MCF2L: variants seen among roughly 807,000 people sequenced by gnomAD.
MCF2L encodes guanine nucleotide exchange factor DBS.
MCF2L carries 97 observed loss-of-function variants against 153.4 expected under a neutral mutation model. The ratio of observed to expected loss-of-function variants is 0.63; its 90% CI spans 0.54 to 0.75. The LOEUF (loss-of-function observed/expected upper bound fraction) is 0.75. Among genes scored for constraint, MCF2L ranks in the 30% least tolerant of loss-of-function variants. MCF2L has a pLI of 0.00. For missense variants in MCF2L, 1,347 were observed against 1,495.2 expected, an observed-to-expected ratio of 0.90 and a Z score of 1.64; for synonymous variants, 659 against 632.2, an observed-to-expected ratio of 1.04 and a Z score of -0.64.
Position 113,045,388 on chromosome 13 carries a change from G to C in MCF2L, c.369+27G>C. On this transcript the variant is annotated intron_variant, in intron 4 of 29. Transcript: ENST00000535094. This position sits in a 1 kb window ranked among gnomAD's most constrained non-coding sequence, Gnocchi z 4.2. ...TAAGTGCCACCCGGGGCTCTGCCCT[G>C]CGCCCGGCCCCTCCCTGGGCTGCAT... The C allele has an allele frequency of 6.3e-7, 1 of 1,591,138 alleles. No homozygotes were observed. Among genetic ancestry groups the C allele is most frequent in the Non-Finnish European group, 8.6e-7 (1 of 1,159,686 alleles).
At chr13:113,095,359 T>A in intron 27 of MCF2L, 1 of 1,145,544 alleles carries the variant, frequency 8.7e-7, no homozygotes, top group Non-Finnish European at 1.1e-6. Context: ...CTCTGGCCTC[T>A]CCCACAGAGA....
At position 113,074,537 on chromosome 13, in the gene MCF2L, C is replaced by G. The variant is rs200960110; in HGVS notation, c.1090C>G (p.Leu364Val). 51 of 1,614,024 alleles carry G rather than the reference C, an allele frequency of 3.2e-5. No individual in the cohort carries two copies. The East Asian group carries it at 1.1e-3, about 35-fold the overall frequency. ...GCATGTGGAGCACCTGCTGAGGGAC[C>G]TGGCCAGCTTCGAGGAGAAATCAGG... ...LAHVEHLLRD[L>V]ASFEEKSGVA... Residue 364 changes from leucine (L) to valine (V), a missense_variant, in exon 10 of 30, where the codon CTG becomes GTG. Around this residue, in one of 3 missense-constraint regions of MCF2L, gnomAD observed 820 missense variants for 921.2 expected, o/e 0.89. Transcript: ENST00000535094. This position sits in a 1 kb window ranked among gnomAD's most constrained non-coding sequence, Gnocchi z 4.2.
rs113819130 is a variant in MCF2L, at chr13:113,001,979, C to T, written c.80-12784C>T. 7.3e-4 allele frequency: 1,153 copies of T among 1,583,316 alleles called. 9 individuals carry two copies. The African/African-American group carries it at 0.013, about 18-fold the overall frequency. On this transcript the variant is annotated intron_variant, in intron 1 of 29. Coordinates refer to ENST00000535094, the MANE Select transcript of MCF2L (RefSeq NM_001112732.3). ...CGCTGTGGCTGCTGCTGAAGGCCGG[C>T]GCAGGTGCGTGGGGCGCGGGCGGGT... is the stretch of plus-strand genomic sequence containing the variant.
intron 27 of MCF2L, chr13:113,095,347 G>T: frequency 8.6e-7 from 1 of 1,157,402 alleles, no homozygotes; most frequent in Non-Finnish European, 1.1e-6. Flanking sequence ...AGCCCTCGGG[G>T]CCTCTGGCCT....
intron 1 of MCF2L, among the ~76,000 whole-genome samples, chr13:112,988,995 A>G (rs74360332): frequency 1.8e-4 from 20 of 110,900 alleles, no homozygotes; most frequent in South Asian, 1.0e-3. Context: ...GAACTACCAC[A>G]CCCGAGTCCT....
chr13:112,928,571 C>T (rs2081430994), intron 2 of MCF2L, among the ~76,000 whole-genome samples: 1 of 152,126 alleles, frequency 6.6e-6, no homozygotes, highest in Non-Finnish European at 1.5e-5. Flanking sequence ...CCCTTCACCC[C>T]CAAAAAAGTC....
chr13:113,047,879 T>TGCGCTGACG (rs1279790793), intron 4 of MCF2L, among the ~76,000 whole-genome samples: 45 of 152,016 alleles, frequency 3.0e-4, no homozygotes, highest in Admixed American at 1.1e-3. Flanking sequence ...CCCCAGAGCC[T>TGCGCTGACG]CCGCTGATGC....
rs1175675295 is a variant in MCF2L, at chr13:112,993,822, G to T, written c.80-20941G>T. Reference sequence around the variant, plus strand: ...AAGATGACACCACAGATACCTTGGAGATCTGCCTCCAGTTAAGAGACGTGT... The same window carrying T: ...AAGATGACACCACAGATACCTTGGATATCTGCCTCCAGTTAAGAGACGTGT... On this transcript the variant is annotated intron_variant, in intron 1 of 29. Coordinates refer to ENST00000535094, the MANE Select transcript of MCF2L (RefSeq NM_001112732.3). This position sits in a 1 kb window ranked among gnomAD's most constrained non-coding sequence, Gnocchi z 4.6. Among the ~76,000 whole-genome samples the T allele has an allele frequency of 2.6e-5, 4 of 152,214 alleles. No homozygotes were observed. The highest frequency in any genetic ancestry group is 2.0e-4 in the Admixed American group (3 of 15,286).
At chr13:112,999,669 G>T (rs532900186) in intron 1 of MCF2L, among the ~76,000 whole-genome samples, 1 of 152,262 alleles carries the variant, frequency 6.6e-6, no homozygotes, top group South Asian at 2.1e-4. Context: ...GGGGGTGTTT[G>T]GTACATGTGT....
chr13:112,960,522 A>G lies in MCF2L; in HGVS notation c.170-54241A>G, dbSNP rs1275167893. ...GTGATGGATGCTGGAGTTTCTCTCCAAGGGGGCGGGATAGGCTGTCATTCT... is the reference window on the plus strand; with the variant it reads ...GTGATGGATGCTGGAGTTTCTCTCCGAGGGGGCGGGATAGGCTGTCATTCT... On this transcript the variant is annotated intron_variant, in intron 2 of 29. Transcript: ENST00000375608. The surrounding 1 kb of genome is among the most constrained non-coding windows in gnomAD (Gnocchi z 4.2). Among the ~76,000 whole-genome samples the G allele has an allele frequency of 6.6e-6, 1 of 151,954 alleles. No homozygotes were observed. The highest frequency in any genetic ancestry group is 2.4e-5 in the African/African-American group (1 of 41,346).
chr13:112,991,228 G>A (rs560904121), intron 1 of MCF2L, among the ~76,000 whole-genome samples: 136 of 152,288 alleles, frequency 8.9e-4, no homozygotes, highest in South Asian at 1.7e-3. Flanking sequence ...CTTTGTACAC[G>A]TTGTGTGGGA....
rs1415926874 is a variant in MCF2L at position 112,899,175 on chromosome 13, C to T, written c.-4-3024C>T. Among the ~76,000 whole-genome samples the T allele has an allele frequency of 3.9e-5, 6 of 152,188 alleles. No individual in the cohort carries two copies. The East Asian group carries it at 5.8e-4, about 15-fold the overall frequency. On this transcript the variant is annotated intron_variant, in intron 1 of 29. Coordinates refer to the MCF2L transcript ENST00000375608. ...ACTTGGTGCTTCCGTGGGGCTGGGCCGAGTTCTAGCCGCCTGTGACCGTGT... is the reference window on the plus strand; with the variant it reads ...ACTTGGTGCTTCCGTGGGGCTGGGCTGAGTTCTAGCCGCCTGTGACCGTGT...
intron 1 of MCF2L, among the ~76,000 whole-genome samples, chr13:112,974,024 C>T (rs1478441176): frequency 6.6e-6 from 1 of 152,162 alleles, no homozygotes; most frequent in African/African-American, 2.4e-5. Context: ...CCCTCTGACC[C>T]CATCCCCCAC....
chr13:113,010,584 G>A (rs184321780), intron 1 of MCF2L, among the ~76,000 whole-genome samples: 1,989 of 152,320 alleles, frequency 0.013, 31 homozygotes, highest in Non-Finnish European at 0.014. Flanking sequence ...GGTCGGTGCT[G>A]GGGATGGGCA....
chr13:112,944,116 G>C (rs1410016398), intron 2 of MCF2L, among the ~76,000 whole-genome samples: 1 of 150,224 alleles, frequency 6.7e-6, no homozygotes, highest in African/African-American at 2.5e-5. Flanking sequence ...AGGGTCCCGG[G>C]CCGTGAGGGG....
In MCF2L at chr13:112,983,574, G is replaced by A. The variant is rs1201545018; in HGVS notation, c.79+14116G>A. Among the ~76,000 whole-genome samples, 1 of 152,228 alleles carries A rather than the reference G, an allele frequency of 6.6e-6. No homozygotes were observed. Among genetic ancestry groups the A allele is most frequent in the Non-Finnish European group, 1.5e-5 (1 of 68,038 alleles). On this transcript the variant is annotated intron_variant, in intron 1 of 29. Transcript: ENST00000535094. This position sits in a 1 kb window ranked among gnomAD's most constrained non-coding sequence, Gnocchi z 4.0. ...GGTGCTGGGCACGGCAGAGCCGTAG[G>A]CGGAGACAGGGAGCCGGGAGGAGCG...
chr13:113,010,561 G>A (rs2084024063), intron 1 of MCF2L, among the ~76,000 whole-genome samples: 1 of 152,230 alleles, frequency 6.6e-6, no homozygotes, highest in African/African-American at 2.4e-5. Context: ...GCCCTCCCAG[G>A]TGGGGCTGCT....
rs970461160 is a variant in MCF2L at position 112,907,509 on chromosome 13, TCCTGGCAACTGTGG to T, written c.169+5142_169+5155del. On this transcript the variant is annotated intron_variant, in intron 2 of 29. Coordinates refer to the MCF2L transcript ENST00000375608. This position sits in a 1 kb window ranked among gnomAD's most constrained non-coding sequence, Gnocchi z 5.1. ...CGCGGCTTGGTGGAGAATGGCTGAA[TCCTGGCAACTGTGG>T]CCTTTGCAGGGGCTGTAGTTGTGCA... Among the ~76,000 whole-genome samples, 2 of 152,094 alleles carry T rather than the reference TCCTGGCAACTGTGG, an allele frequency of 1.3e-5. No individual in the cohort carries two copies. Among genetic ancestry groups the T allele is most frequent in the Non-Finnish European group, 2.9e-5 (2 of 68,014 alleles).
chr13:113,049,435 G>C (rs2087060665), intron 4 of MCF2L, among the ~76,000 whole-genome samples: 1 of 152,180 alleles, frequency 6.6e-6, no homozygotes, highest in Non-Finnish European at 1.5e-5. Context: ...GACCCCTTGG[G>C]CATCTTGATT....
Sources: gnomAD v4.1 joint callset for allele counts (sites outside exome capture counted in the v4.1 genomes callset) on GRCh38, gnomAD v4.1.1 for gene constraint, gnomAD v4.1.1 regional missense constraint, Gnocchi (gnomAD v3.1) non-coding constraint, MANE v1.5 for transcripts, NCBI Gene and HGNC (gene_info 2026-07-23, HGNC 2026-07-21) for gene names.